The following EVA1A variants were observed in gnomAD, a reference collection of about 807,000 sequenced individuals.
The protein encoded by EVA1A is eva-1 homolog A, regulator of programmed cell death.
A neutral mutation model predicts 9.8 loss-of-function variants in EVA1A; 7 were observed. The observed-to-expected ratio is 0.71, with a 90% CI of 0.41 to 1.34. The LOEUF is 1.34. EVA1A is among the 40% of genes most tolerant of loss of function. The pLI, the probability that EVA1A is intolerant of heterozygous loss-of-function variation, is 0.01. For missense variants in EVA1A, 206 were observed against 205.9 expected, an observed-to-expected ratio of 1.00 and a Z score of 0.00; for synonymous variants, 90 against 85.6, an observed-to-expected ratio of 1.05 and a Z score of -0.28.
upstream of EVA1A, among the ~76,000 whole-genome samples, chr2:75,562,406 A>T (rs1369173519): frequency 6.6e-6 from 1 of 152,180 alleles, no homozygotes; most frequent in Non-Finnish European, 1.5e-5. Flanking sequence ...CTTACTCAAG[A>T]GCTACTTCAT....
chr2:75,554,500 C>G (rs1048020036), intron 1 of EVA1A, among the ~76,000 whole-genome samples: 4 of 152,218 alleles, frequency 2.6e-5, no homozygotes, highest in African/African-American at 9.6e-5. Context: ...CAGCGGCCCA[C>G]TCTTTCACCT....
intron 3 of EVA1A, among the ~76,000 whole-genome samples, chr2:75,499,114 CAGAT>C (rs1475730433): frequency 6.6e-6 from 1 of 152,164 alleles, no homozygotes; most frequent in Non-Finnish European, 1.5e-5. Flanking sequence ...CTTAAGCCCT[CAGAT>C]AGAGAGAACA....
At chr2:75,528,013 A>C (rs1179419364) in intron 1 of EVA1A, among the ~76,000 whole-genome samples, 2 of 152,244 alleles carry the variant, frequency 1.3e-5, no homozygotes, top group Non-Finnish European at 2.9e-5. Context: ...ATTTAACTTT[A>C]CCTAGAGCTG....
intron 1 of EVA1A, among the ~76,000 whole-genome samples, chr2:75,528,787 T>C (rs1431246110): frequency 6.6e-6 from 1 of 152,146 alleles, no homozygotes; most frequent in African/African-American, 2.4e-5. Flanking sequence ...TAGGGCAAGC[T>C]TGCATCCCCC....
At chr2:75,527,050 C>T (rs1381116985) in intron 1 of EVA1A, among the ~76,000 whole-genome samples, 2 of 152,142 alleles carry the variant, frequency 1.3e-5, no homozygotes, top group Non-Finnish European at 2.9e-5. Context: ...AAACAGACTC[C>T]CAACAAATGC....
At chr2:75,566,014 C>CAA (rs1677020522) in intron 1 of EVA1A, among the ~76,000 whole-genome samples, 1 of 152,040 alleles carries the variant, frequency 6.6e-6, no homozygotes, top group Non-Finnish European at 1.5e-5. Context: ...TCTCTTTCTC[C>CAA]AGTTGTCTCA....
intron 3 of EVA1A, among the ~76,000 whole-genome samples, chr2:75,497,894 GC>G (rs1328130568): frequency 6.9e-6 from 1 of 144,940 alleles, no homozygotes; most frequent in Non-Finnish European, 1.5e-5. Context: ...AATTAGTTCA[GC>G]CCCTGTGGAA....
intron 1 of EVA1A, among the ~76,000 whole-genome samples, chr2:75,527,334 T>C (rs1200881085): frequency 4.6e-5 from 7 of 152,154 alleles, no homozygotes; most frequent in Admixed American, 4.6e-4. Context: ...TTGCTAGTAA[T>C]GAGCTACCTT....
At chr2:75,522,840 C>A (rs924947428) in intron 1 of EVA1A, among the ~76,000 whole-genome samples, 1 of 152,362 alleles carries the variant, frequency 6.6e-6, no homozygotes, top group East Asian at 1.9e-4. Flanking sequence ...GCAGGCCAGC[C>A]TCTCTGGAAC....
intron 2 of EVA1A, among the ~76,000 whole-genome samples, chr2:75,520,762 T>C (rs1467778205): frequency 6.6e-6 from 1 of 151,904 alleles, no homozygotes; most frequent in Non-Finnish European, 1.5e-5. Context: ...AAAACAGGGG[T>C]AAAGATTCAT....
At chr2:75,510,614 A>G (rs978764467) in intron 3 of EVA1A, among the ~76,000 whole-genome samples, 3 of 152,238 alleles carry the variant, frequency 2.0e-5, no homozygotes, top group Non-Finnish European at 4.4e-5. Context: ...TTACACATTC[A>G]ATGAATATTG....
chr2:75,549,223 G>A (rs1676444027), intron 1 of EVA1A, among the ~76,000 whole-genome samples: 1 of 151,992 alleles, frequency 6.6e-6, no homozygotes, highest in African/African-American at 2.4e-5. Flanking sequence ...GGGAATCAGT[G>A]TGGAACATGT....
At chr2:75,535,571 ATG>A (rs1373081103) in intron 1 of EVA1A, among the ~76,000 whole-genome samples, 2 of 152,218 alleles carry the variant, frequency 1.3e-5, no homozygotes, top group African/African-American at 4.8e-5. Flanking sequence ...AGAAAATGTG[ATG>A]TGTATGTAAT....
At chr2:75,553,793 CCT>C (rs1375085409) in intron 1 of EVA1A, among the ~76,000 whole-genome samples, 1 of 152,184 alleles carries the variant, frequency 6.6e-6, no homozygotes, top group East Asian at 1.9e-4. Flanking sequence ...CCATTCCTGC[CCT>C]GTGTGACTGA....
intron 2 of EVA1A, chr2:75,518,596 T>C (rs754870667): frequency 7.4e-5 from 73 of 991,832 alleles, no homozygotes; most frequent in Non-Finnish European, 8.6e-5. Context: ...TTCTCCTTTC[T>C]CTGCCCTGTA....
At chr2:75,537,565 A>C (rs1675958599) in intron 1 of EVA1A, among the ~76,000 whole-genome samples, 1 of 152,148 alleles carries the variant, frequency 6.6e-6, no homozygotes, top group African/African-American at 2.4e-5. Flanking sequence ...TAGAGATCCC[A>C]AGGAATTTAC....
At chr2:75,568,312 C>A (rs1573001032) in intron 1 of EVA1A, among the ~76,000 whole-genome samples, 1 of 149,692 alleles carries the variant, frequency 6.7e-6, no homozygotes, top group African/African-American at 2.5e-5. Flanking sequence ...TGTTACCAAT[C>A]AATAATTATT....
At chr2:75,541,578 T>G (rs1676120211) in intron 1 of EVA1A, among the ~76,000 whole-genome samples, 1 of 152,152 alleles carries the variant, frequency 6.6e-6, no homozygotes. Flanking sequence ...TGGTCCTAAC[T>G]AGGAGGAGTG....
chr2:75,562,568 TCAGA>T (rs1454851488), upstream of EVA1A, among the ~76,000 whole-genome samples: 2 of 152,212 alleles, frequency 1.3e-5, no homozygotes, highest in African/African-American at 4.8e-5. Context: ...GGTTCTAGCC[TCAGA>T]CAGCACTAAA....
Sources: allele counts gnomAD v4.1 joint callset (sites outside exome capture counted in the v4.1 genomes callset), GRCh38; gene constraint gnomAD v4.1.1; transcripts MANE v1.5; gene names NCBI Gene and HGNC (gene_info 2026-07-23, HGNC 2026-07-21).